Variants in IMPA2 observed in about 807,000 individuals in gnomAD.
IMPA2 encodes the protein IMP 2.
IMPA2 carries 32 observed loss-of-function variants against 35.1 expected under a neutral mutation model. That is an observed-to-expected ratio of 0.91 (90% CI 0.69 to 1.23). The LOEUF is 1.23. Ranked by LOEUF, IMPA2 falls within the 50% of genes most tolerant of loss-of-function variation. IMPA2 has a pLI of 0.00. For missense variants in IMPA2, 334 were observed against 387.6 expected (o/e 0.86, Z 1.16); for synonymous variants, 135 against 160.6 (o/e 0.84, Z 1.20).
At chr18:11,984,986 CAA>C (rs1568024973) in intron 1 of IMPA2, among the ~76,000 whole-genome samples, 1 of 80,416 alleles carries the variant, frequency 1.2e-5, no homozygotes, top group African/African-American at 4.9e-5. Context: ...AAAAAAAAAA[CAA>C]CAAAAATCAG....
chr18:12,019,894 T>G (rs897113935), intron 5 of IMPA2, among the ~76,000 whole-genome samples: 3 of 152,150 alleles, frequency 2.0e-5, no homozygotes, highest in African/African-American at 7.2e-5. Context: ...ATATATATTT[T>G]TGAGACAGTC....
At position 11,991,962 on chromosome 18, in the gene IMPA2, G is replaced by GC. The variant is rs1211958975; in HGVS notation, c.97-7087dup. Among the ~76,000 whole-genome samples the GC allele has an allele frequency of 6.6e-6, 1 of 151,882 alleles. No homozygotes were observed. The highest frequency in any genetic ancestry group is 2.4e-5 in the African/African-American group (1 of 41,310). On this transcript the variant is annotated intron_variant, in intron 1 of 7. Coordinates refer to ENST00000269159, the MANE Select transcript of IMPA2 (RefSeq NM_014214.3). This position sits in a 1 kb window ranked among gnomAD's most constrained non-coding sequence, Gnocchi z 4.1. ...GGGCTCACGCGTTTCTCCTACCTCAGCCCCCTGAGTAGCTGGGATTATAGG... is the reference window on the plus strand; with the variant it reads ...GGGCTCACGCGTTTCTCCTACCTCAGCCCCCCTGAGTAGCTGGGATTATAGG...
chr18:12,012,358 C>G (rs543909276), intron 4 of IMPA2, 143 bp downstream of exon 4: 1 of 724,834 alleles, frequency 1.4e-6, no homozygotes, highest in Non-Finnish European at 2.4e-6. Context: ...CTGTGGGTTT[C>G]AAATCCGAGA....
At position 12,030,819 on chromosome 18, in the gene IMPA2, G is replaced by A. The variant is rs960082114; in HGVS notation, c.*361G>A. 2 of 223,852 alleles carry A rather than the reference G, an allele frequency of 8.9e-6. No homozygotes were observed. The highest frequency in any genetic ancestry group is 4.6e-5 in the African/African-American group (2 of 43,020). 13.9% of individuals were successfully genotyped at this position (223,852 alleles called of 1,614,324 possible). A position where few individuals can be genotyped will look rare whatever the true frequency, so the allele number is the denominator to read the frequency against. On this transcript the variant is annotated 3_prime_UTR_variant, in exon 8 of 8. Coordinates refer to ENST00000269159, the MANE Select transcript of IMPA2 (RefSeq NM_014214.3). The stretch of plus-strand genomic sequence containing the variant: ...AGGCTTTAGAACTGCTGATAAAGCG[G>A]ATCGTTCTCAGGCCCTCCCCCCGGA...
At chr18:11,992,824 C>T (rs767749972) in intron 1 of IMPA2, among the ~76,000 whole-genome samples, 8 of 152,302 alleles carry the variant, frequency 5.3e-5, no homozygotes, top group African/African-American at 1.7e-4. Context: ...TGTGCTCCCT[C>T]GCCCTGTGGA....
chr18:12,030,580 G>A lies in IMPA2; in HGVS notation c.*122G>A. ...ACGCTCTGCTCCTGGCTACCCCAGAGGGAGTTGTCACGCTACAGTGAGTGG... is the reference window on the plus strand; with the variant it reads ...ACGCTCTGCTCCTGGCTACCCCAGAAGGAGTTGTCACGCTACAGTGAGTGG... On this transcript the variant is annotated 3_prime_UTR_variant, in exon 8 of 8. Coordinates refer to ENST00000269159, the MANE Select transcript of IMPA2 (RefSeq NM_014214.3). The A allele has an allele frequency of 2.9e-6, 2 of 699,804 alleles. No homozygotes were observed. The highest frequency in any genetic ancestry group is 5.0e-6 in the Non-Finnish European group (2 of 403,558). The allele number at this position is 699,804 out of a possible 1,614,324, so 43.3% of individuals were successfully genotyped here.
chr18:11,997,166 G>A (rs1310989085), intron 1 of IMPA2, among the ~76,000 whole-genome samples: 1 of 152,260 alleles, frequency 6.6e-6, no homozygotes, highest in Non-Finnish European at 1.5e-5. Flanking sequence ...GCCAGCTCAG[G>A]GTTGAGGGTC....
chr18:12,020,525 A>G (rs956637228), intron 5 of IMPA2, among the ~76,000 whole-genome samples: 1 of 152,074 alleles, frequency 6.6e-6, no homozygotes, highest in Non-Finnish European at 1.5e-5. Context: ...GTTTTCTTGA[A>G]TTACAGTTTT....
intron 4 of IMPA2, among the ~76,000 whole-genome samples, chr18:12,013,923 CT>C (rs1054557744): frequency 9.2e-5 from 14 of 152,152 alleles, no homozygotes; most frequent in African/African-American, 3.4e-4. Context: ...AAGTAACATT[CT>C]TTTTTTCAGC....
intron 1 of IMPA2, among the ~76,000 whole-genome samples, chr18:11,993,787 T>G (rs188926959): frequency 5.4e-4 from 83 of 152,304 alleles, no homozygotes; most frequent in Non-Finnish European, 8.1e-4. Flanking sequence ...CAAGGGATCG[T>G]GTCCAAAGAC....
rs966791815 is a variant in IMPA2 at position 12,012,232 on chromosome 18, G to A, written c.381+17G>A. On this transcript the variant is annotated intron_variant, in intron 4 of 7. Transcript: ENST00000269159. Reference sequence around the variant, plus strand: ...CGACAAGAGGTGCGGGTGTGGCCCAGGTCCCCAGGGCCCCTCCCTGGGCTC... The same window carrying A: ...CGACAAGAGGTGCGGGTGTGGCCCAAGTCCCCAGGGCCCCTCCCTGGGCTC... 1 of 1,611,940 alleles carries A rather than the reference G, an allele frequency of 6.2e-7. No individual in the cohort carries two copies. Among genetic ancestry groups the A allele is most frequent in the Admixed American group, 1.7e-5 (1 of 59,962 alleles).
intron 3 of IMPA2, 139 bp from the exon 4 acceptor site, chr18:12,012,031 G>A: frequency 1.5e-6 from 1 of 677,700 alleles, no homozygotes; most frequent in Non-Finnish European, 2.7e-6. Context: ...GTGAAACTGT[G>A]GGAAGTAGTT....
chr18:12,010,468 G>A lies in IMPA2; in HGVS notation c.335+481G>A, dbSNP rs981836272. 3.9e-5 allele frequency among the ~76,000 whole-genome samples: 6 copies of A among 152,244 alleles called. No individual in the cohort carries two copies. Among genetic ancestry groups the A allele is most frequent in the Non-Finnish European group, 7.3e-5 (5 of 68,042 alleles). The stretch of plus-strand genomic sequence containing the variant: ...AGGTTTGGGGAGGTCAGAAGGGCCC[G>A]TGTGGGGAGGTGAAGGGAATGGAGC... On this transcript the variant is annotated intron_variant, in intron 3 of 7. Coordinates refer to ENST00000269159, the MANE Select transcript of IMPA2 (RefSeq NM_014214.3). This position sits in a 1 kb window ranked among gnomAD's most constrained non-coding sequence, Gnocchi z 4.8.
chr18:12,001,336 C>T (rs1169996000), intron 2 of IMPA2, among the ~76,000 whole-genome samples: 2 of 152,112 alleles, frequency 1.3e-5, no homozygotes, highest in African/African-American at 4.8e-5. Flanking sequence ...CGGCTGTTTC[C>T]AGGTCCTTTA....
intron 5 of IMPA2, among the ~76,000 whole-genome samples, chr18:12,022,779 G>C (rs1907769483): frequency 1.1e-5 from 1 of 93,876 alleles, no homozygotes; most frequent in Non-Finnish European, 2.8e-5. Context: ...TTTATACTCT[G>C]TTCTTTTTTT....
In IMPA2 at chr18:11,991,136, G is replaced by A. The variant is rs1329654035; in HGVS notation, c.97-7918G>A. Among the ~76,000 whole-genome samples, 1 of 152,188 alleles carries A rather than the reference G, an allele frequency of 6.6e-6. No individual in the cohort carries two copies. The highest frequency in any genetic ancestry group is 1.5e-5 in the Non-Finnish European group (1 of 68,036). On this transcript the variant is annotated intron_variant, in intron 1 of 7. Coordinates refer to ENST00000269159, the MANE Select transcript of IMPA2 (RefSeq NM_014214.3). This position sits in a 1 kb window ranked among gnomAD's most constrained non-coding sequence, Gnocchi z 4.1. ...GGAGGGAGATGAGCCGCAGAATGGT[G>A]GGGAGATAGGAGGAAAGCCACGAGG...
chr18:11,994,768 C>A, intron 1 of IMPA2: 1 of 152,484 alleles, frequency 6.6e-6, no homozygotes, highest in Non-Finnish European at 1.5e-5. Context: ...TGGAGGTGGA[C>A]AGAGACAGAG....
chr18:11,990,405 G>A (rs1906781112), intron 1 of IMPA2, among the ~76,000 whole-genome samples: 1 of 152,166 alleles, frequency 6.6e-6, no homozygotes, highest in Admixed American at 6.5e-5. Context: ...GCTTGGGGAG[G>A]GGAGAGAGAA....
intron 2 of IMPA2, among the ~76,000 whole-genome samples, chr18:12,006,177 G>A (rs1464362770): frequency 7.2e-5 from 11 of 152,212 alleles, no homozygotes; most frequent in Admixed American, 7.2e-4. Context: ...TTATGATCAC[G>A]CCCTAAGTGG....
Sources: allele counts gnomAD v4.1 joint callset (sites outside exome capture counted in the v4.1 genomes callset), GRCh38; gene constraint gnomAD v4.1.1; non-coding constraint Gnocchi (gnomAD v3.1); transcripts MANE v1.5; gene names NCBI Gene and HGNC (gene_info 2026-07-23, HGNC 2026-07-21).